Variants in PTPN21 observed in about 807,000 individuals in gnomAD.
PTPN21 encodes the protein protein tyrosine phosphatase non-receptor type 21.
PTPN21 carries 77 observed loss-of-function variants against 131.8 expected under a neutral mutation model. The ratio of observed to expected loss-of-function variants is 0.58; its 90% CI spans 0.49 to 0.71. The LOEUF is 0.71. Among genes scored for constraint, PTPN21 ranks in the 30% least tolerant of loss-of-function variants. PTPN21 has a pLI of 0.00. For synonymous variants in PTPN21, 715 were observed against 621.3 expected (o/e 1.15, Z -2.24); for missense variants, 1,552 against 1,527.1 (o/e 1.02, Z -0.27).
intron 2 of PTPN21, among the ~76,000 whole-genome samples, chr14:88,546,014 AAAG>A (rs2078774067): frequency 2.0e-5 from 3 of 151,798 alleles, no homozygotes; most frequent in Non-Finnish European, 2.9e-5. Flanking sequence ...AAAAAAAAAA[AAAG>A]AAGTTACTTT....
At position 88,470,112 on chromosome 14, in the gene PTPN21, A is replaced by G. The variant is rs138524205; in HGVS notation, c.2872-62T>C. 6.7e-4 allele frequency: 1,025 copies of G among 1,519,042 alleles called. 6 individuals are homozygous for G. The African/African-American group carries it at 0.011, about 16-fold the overall frequency. 94.1% of individuals were successfully genotyped at this position (1,519,042 alleles called of 1,614,324 possible). A position where few individuals can be genotyped will look rare whatever the true frequency, so the allele number is the denominator to read the frequency against. On this transcript the variant is annotated intron_variant, in intron 15 of 18. Coordinates refer to ENST00000556564, the MANE Select transcript of PTPN21 (RefSeq NM_007039.4). Reference sequence around the variant, plus strand: ...GTATAATATACATAGGTATGTATGCATGCATTCATGGTAGTACTAAAAAAG... The same window carrying G: ...GTATAATATACATAGGTATGTATGCGTGCATTCATGGTAGTACTAAAAAAG...
At chr14:88,499,623 A>G (rs2077978047) in intron 8 of PTPN21, among the ~76,000 whole-genome samples, 1 of 152,220 alleles carries the variant, frequency 6.6e-6, no homozygotes, top group Admixed American at 6.5e-5. Context: ...CCTACTGCTG[A>G]CAGTGTTATG....
At chr14:88,488,824 C>CT (rs1439293232) in intron 10 of PTPN21, among the ~76,000 whole-genome samples, 1 of 151,956 alleles carries the variant, frequency 6.6e-6, no homozygotes, top group African/African-American at 2.4e-5. Context: ...ATACTAGGAC[C>CT]TGGTGTCTTT....
chr14:88,469,593 C>T lies in PTPN21; in HGVS notation c.3141G>A (p.Lys1047=), dbSNP rs1217350897. 25 of 1,614,002 alleles carry T rather than the reference C, an allele frequency of 1.5e-5. No homozygotes were observed. The highest frequency in any genetic ancestry group is 2.1e-5 in the Non-Finnish European group (25 of 1,180,052). The part of the protein sequence containing the change: ...GCYATTGLKM[K]HLLTGQERTV... ...TCCTCTCTTGCCCAGTAAGGAGGTGCTTCATCTTCAGGCCTGTGGTGGCAT... is the reference window on the plus strand; with the variant it reads ...TCCTCTCTTGCCCAGTAAGGAGGTGTTTCATCTTCAGGCCTGTGGTGGCAT... The change falls in exon 17 of 19, where the codon AAG becomes AAA. Residue 1047 remains lysine (K), a synonymous_variant. Transcript: ENST00000556564. This position sits in a 1 kb window ranked among gnomAD's most constrained non-coding sequence, Gnocchi z 4.3.
intron 2 of PTPN21, among the ~76,000 whole-genome samples, 187 bp from the exon 3 acceptor site, chr14:88,517,448 A>G (rs1040100808): frequency 2.0e-5 from 3 of 152,102 alleles, no homozygotes; most frequent in Non-Finnish European, 4.4e-5. Flanking sequence ...CTAGCTACTC[A>G]TATTCAGGAA....
At chr14:88,545,419 C>T (rs752892602) in intron 2 of PTPN21, among the ~76,000 whole-genome samples, 1 of 152,170 alleles carries the variant, frequency 6.6e-6, no homozygotes, top group Non-Finnish European at 1.5e-5. Flanking sequence ...GTGCTGATTC[C>T]GTCAAGGTGA....
Position 88,469,075 on chromosome 14 carries a change from T to C in PTPN21, c.3237A>G (p.Ser1079=), listed in dbSNP as rs1595334574. The change falls in exon 18 of 19, where the codon TCA becomes TCG. Residue 1079 remains serine, a splice_region_variant and synonymous_variant. Transcript: ENST00000556564. The surrounding 1 kb of genome is among the most constrained non-coding windows in gnomAD (Gnocchi z 4.3). ...GAACAGACTGGATCTCTTCAAGATA[T>C]GCTGTGGAAAATCAATGAAATAGAA... ...GCPEDLKGFL[S]YLEEIQSVRR... The C allele has an allele frequency of 1.2e-6, 2 of 1,605,774 alleles. No individual in the cohort carries two copies. Among genetic ancestry groups the C allele is most frequent in the Middle Eastern group, 1.7e-4 (1 of 6,044 alleles).
chr14:88,470,612 C>T (rs2077446927), intron 15 of PTPN21, among the ~76,000 whole-genome samples: 1 of 152,230 alleles, frequency 6.6e-6, no homozygotes, highest in Non-Finnish European at 1.5e-5. Flanking sequence ...CTTGGCTTCA[C>T]CAATATTGAG....
intron 3 of PTPN21, among the ~76,000 whole-genome samples, chr14:88,510,703 G>A (rs2078164522): frequency 6.6e-6 from 1 of 152,054 alleles, no homozygotes; most frequent in African/African-American, 2.4e-5. Flanking sequence ...TCTGTGTCTT[G>A]GTTTCCTCAT....
At chr14:88,495,584 G>A (rs1007997123) in intron 10 of PTPN21, among the ~76,000 whole-genome samples, 5 of 152,092 alleles carry the variant, frequency 3.3e-5, no homozygotes, top group Non-Finnish European at 5.9e-5. Context: ...CACTTGAACC[G>A]GGGGCTCAGG....
intron 2 of PTPN21, among the ~76,000 whole-genome samples, chr14:88,530,212 C>G (rs763646638): frequency 3.3e-4 from 47 of 142,692 alleles, no homozygotes; most frequent in Non-Finnish European, 6.9e-4. Context: ...AAGTCTTTTT[C>G]AGACAAACAA....
At position 88,468,145 on chromosome 14, in the gene PTPN21, G is replaced by A. The variant is rs1256870182; in HGVS notation, c.3517C>T (p.Leu1173Phe). Residue 1173 changes from leucine to phenylalanine, a missense_variant, in exon 19 of 19, where the codon CTC becomes TTC. Transcript: ENST00000556564. The part of the protein sequence containing the change: ...VLIQFLKSSR[L>F]I ...TAAGAAATTGTGGGAGCTTAGATGA[G>A]CCTGGAGCTTTTCAGGAACTGGATG... 10 of 1,613,998 alleles carry A rather than the reference G, an allele frequency of 6.2e-6. No individual in the cohort carries two copies. Among genetic ancestry groups the A allele is most frequent in the Non-Finnish European group, 7.6e-6 (9 of 1,179,874 alleles).
chr14:88,554,649 A>ACCTGCT lies in PTPN21; in HGVS notation c.-207_-203+1dup, dbSNP rs1157038827. The ACCTGCT allele has an allele frequency of 2.0e-5, 3 of 148,452 alleles. No individual in the cohort carries two copies. The highest frequency in any genetic ancestry group is 4.5e-5 in the Non-Finnish European group (3 of 67,022). The allele number at this position is 148,452 out of a possible 1,614,324, so 9.2% of individuals were successfully genotyped here. On this transcript the variant is annotated splice_donor_variant, in intron 1 of 18. Transcript: ENST00000556564. LOFTEE classifies it low-confidence loss of function (5UTR_SPLICE). ...CCCGCCGGCCGGGGACCGCGCCCTC[A>ACCTGCT]CCTGCTCCCGCTCCCGCTCCCGCAT...
At chr14:88,519,834 T>C (rs897811160) in intron 2 of PTPN21, among the ~76,000 whole-genome samples, 3 of 152,190 alleles carry the variant, frequency 2.0e-5, no homozygotes, top group Admixed American at 6.5e-5. Context: ...ATGGAATATT[T>C]TGAACATTTC....
chr14:88,543,185 G>C (rs1290595007), intron 2 of PTPN21, among the ~76,000 whole-genome samples: 1 of 152,160 alleles, frequency 6.6e-6, no homozygotes, highest in Non-Finnish European at 1.5e-5. Context: ...TGAGGGTTAT[G>C]GTTTGCGTTA....
Position 88,478,980 on chromosome 14 carries a change from C to A in PTPN21, c.2451G>T (p.Arg817Ser). The change falls in exon 13 of 19, where the codon AGG becomes AGT. Residue 817 changes from arginine (R) to serine (S), a missense_variant. Transcript: ENST00000556564. The stretch of plus-strand genomic sequence containing the variant: ...TCCCAGAGAGAAGGTCCGACACCGG[C>A]CTTTTCTTCAGAGAGTCCCTCCGGG... Reference protein sequence around the residue: ...YRARRDSLKKRPVSDLLSGKK... With the variant: ...YRARRDSLKKSPVSDLLSGKK... The A allele has an allele frequency of 6.3e-7, 1 of 1,575,494 alleles. No homozygotes were observed. The highest frequency in any genetic ancestry group is 1.8e-5 in the Admixed American group (1 of 55,136).
intron 12 of PTPN21, among the ~76,000 whole-genome samples, chr14:88,484,681 G>T (rs2077706690): frequency 6.6e-6 from 1 of 152,100 alleles, no homozygotes; most frequent in Non-Finnish European, 1.5e-5. Context: ...CTGAGGTCAG[G>T]AGTTTGAGAC....
At position 88,477,446 on chromosome 14, in the gene PTPN21, T is replaced by TCAAAAAAAA. The variant is rs369022409; in HGVS notation, c.2511+1473_2511+1474insTTTTTTTTG. Among the ~76,000 whole-genome samples the TCAAAAAAAA allele has an allele frequency of 9.4e-3, 716 of 76,174 alleles. 53 individuals carry two copies. Among genetic ancestry groups the TCAAAAAAAA allele is most frequent in the Middle Eastern group, 0.017 (1 of 60 alleles). 50.0% of individuals were successfully genotyped at this position (76,174 alleles called of 152,430 possible). A position where few individuals can be genotyped will look rare whatever the true frequency, so the allele number is the denominator to read the frequency against. ...CCTGGGCAACAGGGCAAGACTGTTC[T>TCAAAAAAAA]AAAAAAAAAAAAAAAAAAAAAAAAG... On this transcript the variant is annotated intron_variant, in intron 13 of 18. Transcript: ENST00000556564.
intron 2 of PTPN21, among the ~76,000 whole-genome samples, chr14:88,525,977 T>C (rs1157431190): frequency 1.3e-5 from 2 of 152,220 alleles, no homozygotes; most frequent in East Asian, 3.8e-4. Flanking sequence ...TAATTCTGTT[T>C]ATATGAAACA....
Sources: allele counts gnomAD v4.1 joint callset (sites outside exome capture counted in the v4.1 genomes callset), GRCh38; gene constraint gnomAD v4.1.1; non-coding constraint Gnocchi (gnomAD v3.1); transcripts MANE v1.5; gene names NCBI Gene and HGNC (gene_info 2026-07-23, HGNC 2026-07-21).